The following SACM1L variants were observed in gnomAD, a reference collection of about 807,000 sequenced individuals.
SACM1L encodes SAC1 like phosphatidylinositide phosphatase.
SACM1L carries 32 observed loss-of-function variants against 89.5 expected under a neutral mutation model. The observed-to-expected ratio is 0.36, with a 90% CI of 0.27 to 0.48. SACM1L has a LOEUF of 0.48. Ranked by LOEUF, SACM1L falls within the 20% of genes least tolerant of loss-of-function variation. The pLI, the probability that SACM1L is intolerant of heterozygous loss-of-function variation, is 0.99. For missense variants in SACM1L, 543 were observed against 708.5 expected (o/e 0.77, Z 2.65); for synonymous variants, 213 against 232.8 (o/e 0.92, Z 0.77).
chr3:45,709,480 AT>A lies in SACM1L; in HGVS notation c.334-13del. 1.3e-6 allele frequency: 2 copies of A among 1,589,640 alleles called. No individual in the cohort carries two copies. The highest frequency in any genetic ancestry group is 1.7e-6 in the Non-Finnish European group (2 of 1,166,578). ...TCCTTTTCAATTATGAGCTATACTGATTTTTCTTTGTTTATAGTTACAAGAT... is the reference window on the plus strand; with the variant it reads ...TCCTTTTCAATTATGAGCTATACTGATTTTCTTTGTTTATAGTTACAAGAT... On this transcript the variant is annotated splice_polypyrimidine_tract_variant and intron_variant, in intron 4 of 19. Coordinates refer to ENST00000389061, the MANE Select transcript of SACM1L (RefSeq NM_014016.5).
intron 11 of SACM1L, among the ~76,000 whole-genome samples, chr3:45,730,913 A>G (rs536011660): frequency 1.3e-5 from 2 of 152,326 alleles, no homozygotes; most frequent in Non-Finnish European, 2.9e-5. Context: ...CCTTCATGTT[A>G]CAACAGATGT....
intron 5 of SACM1L, among the ~76,000 whole-genome samples, chr3:45,711,892 A>T (rs1698539547): frequency 6.6e-6 from 1 of 152,088 alleles, no homozygotes; most frequent in Admixed American, 6.5e-5. Context: ...ATGTTCTTTT[A>T]TATTTTTTTA....
At chr3:45,719,415 A>G (rs1386221428) in intron 7 of SACM1L, 85 bp from the exon 8 acceptor site, 5 of 693,088 alleles carry the variant, frequency 7.2e-6, no homozygotes, top group African/African-American at 1.8e-5. Flanking sequence ...CTTAAAGACC[A>G]TCATTAGGAT....
chr3:45,703,835 A>G (rs761761180), intron 2 of SACM1L, among the ~76,000 whole-genome samples: 2 of 152,140 alleles, frequency 1.3e-5, no homozygotes, highest in Non-Finnish European at 2.9e-5. Flanking sequence ...ATTGGTTTAG[A>G]TAGCTAAGCT....
intron 1 of SACM1L, 97 bp downstream of exon 1, chr3:45,689,594 A>G (rs907030062): frequency 5.2e-6 from 7 of 1,357,992 alleles, no homozygotes; most frequent in Non-Finnish European, 7.1e-6. Context: ...GATTGCAGAT[A>G]GGGTGTGGGA....
At chr3:45,705,269 A>C in intron 3 of SACM1L, 60 bp downstream of exon 3, 1 of 988,848 alleles carries the variant, frequency 1.0e-6, no homozygotes, top group Non-Finnish European at 1.6e-6. Flanking sequence ...TTAAATTGTT[A>C]ATATTAGAGT....
chr3:45,721,925 A>C, intron 8 of SACM1L, 75 bp from the exon 9 acceptor site: 1 of 954,644 alleles, frequency 1.0e-6, no homozygotes, highest in Non-Finnish European at 1.6e-6. Flanking sequence ...CTCCAAGTTA[A>C]CCTGAATTAG....
At chr3:45,712,255 T>A (rs1698547257) in intron 5 of SACM1L, among the ~76,000 whole-genome samples, 1 of 152,164 alleles carries the variant, frequency 6.6e-6, no homozygotes, top group Admixed American at 6.5e-5. Flanking sequence ...GTTTGTTTTT[T>A]CTTTTTTGAG....
At chr3:45,712,386 C>T (rs549244609) in intron 5 of SACM1L, among the ~76,000 whole-genome samples, 1 of 152,268 alleles carries the variant, frequency 6.6e-6, no homozygotes, top group South Asian at 2.1e-4. Context: ...ACTGGGACTA[C>T]AGACACGTGC....
At chr3:45,738,451 G>A (rs1962800) in intron 16 of SACM1L, 127 bp from the exon 17 acceptor site, 380,603 of 604,998 alleles carry the variant, frequency 0.63, 123,402 homozygotes, top group African/African-American at 0.76. Flanking sequence ...TGAAGTATCT[G>A]TATTTTCAGG....
Position 45,743,727 on chromosome 3 carries a change from C to G in SACM1L, c.*58C>G. ...AGATTCCATTGTGCAGAACTGGAGT[C>G]TTTACTGACCCGCTTTCCACATCAG... On this transcript the variant is annotated 3_prime_UTR_variant, in exon 20 of 20. Coordinates refer to ENST00000389061, the MANE Select transcript of SACM1L (RefSeq NM_014016.5). The G allele has an allele frequency of 6.5e-7, 1 of 1,542,494 alleles. No homozygotes were observed. Among genetic ancestry groups the G allele is most frequent in the Non-Finnish European group, 8.7e-7 (1 of 1,146,292 alleles).
At position 45,703,462 on chromosome 3, in the gene SACM1L, T is replaced by C. The variant is rs1316249742; in HGVS notation, c.57T>C (p.Tyr19=). 4.3e-6 allele frequency: 7 copies of C among 1,612,892 alleles called. No homozygotes were observed. Among genetic ancestry groups the C allele is most frequent in the Admixed American group, 1.7e-5 (1 of 59,988 alleles). The change falls in exon 2 of 20, where the codon TAT becomes TAC. Residue 19 remains tyrosine (Y), a synonymous_variant. Transcript: ENST00000389061. ...GGCATATCACACCTGAAAAATTTTA[T>C]GTGGAAGCTTGTGATGATGGAGCAG... ...LKLHITPEKF[Y]VEACDDGADD...
intron 1 of SACM1L, among the ~76,000 whole-genome samples, chr3:45,696,629 G>A (rs866784081): frequency 2.6e-5 from 4 of 151,442 alleles, no homozygotes; most frequent in South Asian, 4.2e-4. Context: ...GCCAACACTC[G>A]TTATTTTCTA....
intron 11 of SACM1L, among the ~76,000 whole-genome samples, chr3:45,726,169 CTTTG>C (rs577242610): frequency 2.1e-3 from 321 of 152,042 alleles, no homozygotes; most frequent in Non-Finnish European, 3.8e-3. Flanking sequence ...CTTGTAATAT[CTTTG>C]TTTGGTTTTG....
At chr3:45,710,919 T>TTC (rs1698511728) in intron 5 of SACM1L, among the ~76,000 whole-genome samples, 1 of 152,168 alleles carries the variant, frequency 6.6e-6, no homozygotes, top group Non-Finnish European at 1.5e-5. Context: ...AGTTGCTACA[T>TTC]TCTCCATTTG....
chr3:45,720,532 T>C (rs1425845215), intron 8 of SACM1L, among the ~76,000 whole-genome samples: 6 of 152,182 alleles, frequency 3.9e-5, no homozygotes, highest in Admixed American at 2.6e-4. Flanking sequence ...CTTCCTCCTT[T>C]TTTAGACAGT....
chr3:45,706,199 A>G (rs1029797209), intron 3 of SACM1L, among the ~76,000 whole-genome samples: 5 of 152,134 alleles, frequency 3.3e-5, no homozygotes, highest in African/African-American at 1.2e-4. Flanking sequence ...TGTTTTATGT[A>G]TTTCTGGGGT....
rs1026841809 is a variant in SACM1L, at chr3:45,728,602, A to G, written c.922-2699A>G. On this transcript the variant is annotated intron_variant, in intron 11 of 19. Transcript: ENST00000389061. ...TTTTTATGTTGACATTTCAAATTCC[A>G]TCTTTATATATTGTGTTTCAGTAAC... 3.9e-5 allele frequency among the ~76,000 whole-genome samples: 6 copies of G among 152,206 alleles called. No individual in the cohort carries two copies. In the South Asian group the frequency reaches 1.2e-3, roughly 31 times the overall value.
intron 1 of SACM1L, among the ~76,000 whole-genome samples, chr3:45,699,911 A>G (rs1698227201): frequency 6.6e-6 from 1 of 152,176 alleles, no homozygotes; most frequent in South Asian, 2.1e-4. Flanking sequence ...CTGATTTTAT[A>G]ATAAATACTT....
Sources: allele counts gnomAD v4.1 joint callset (sites outside exome capture counted in the v4.1 genomes callset), GRCh38; gene constraint gnomAD v4.1.1; transcripts MANE v1.5; gene names NCBI Gene and HGNC (gene_info 2026-07-23, HGNC 2026-07-21).